The following PCDHGB2 variants were observed in gnomAD, a reference collection of about 807,000 sequenced individuals.
The protein encoded by PCDHGB2 is protocadherin gamma-B2.
In PCDHGB2, 55 loss-of-function variants were observed where a neutral mutation model predicts 59.3. The ratio of observed to expected loss-of-function variants is 0.93; its 90% CI spans 0.75 to 1.16. PCDHGB2 has a LOEUF of 1.16. Ranked by LOEUF, PCDHGB2 falls within the 50% of genes most tolerant of loss-of-function variation. PCDHGB2 has a pLI of 0.00. For missense variants in PCDHGB2, 1,228 were observed against 1,198.5 expected (o/e 1.02, Z -0.36); for synonymous variants, 516 against 512.0 (o/e 1.01, Z -0.11).
At position 141,511,462 on chromosome 5, in the gene PCDHGB2, C is replaced by A. The variant is rs1385398410; in HGVS notation, c.*289C>A. ...AGACACCAAGAACCATTTGCCACAC[C>A]CCGTTTAGTTACAGCTGAACTCCTC... On this transcript the variant is annotated 3_prime_UTR_variant, in exon 4 of 4. Coordinates refer to ENST00000522605, the MANE Select transcript of PCDHGB2 (RefSeq NM_018923.3). The A allele has an allele frequency of 4.7e-5, 26 of 556,350 alleles. No individual in the cohort carries two copies. Among genetic ancestry groups the A allele is most frequent in the Non-Finnish European group, 9.1e-6 (3 of 329,202 alleles). 34.5% of individuals were successfully genotyped at this position (556,350 alleles called of 1,614,324 possible). A position where few individuals can be genotyped will look rare whatever the true frequency, so the allele number is the denominator to read the frequency against.
At chr5:141,407,240 C>T (rs1011878099) in intron 1 of PCDHGB2, among the ~76,000 whole-genome samples, 3 of 152,158 alleles carry the variant, frequency 2.0e-5, no homozygotes, top group African/African-American at 7.2e-5. Context: ...ATAAAGCATA[C>T]TTCAGGCTCA....
intron 1 of PCDHGB2, among the ~76,000 whole-genome samples, chr5:141,463,239 C>G (rs1012919667): frequency 1.3e-5 from 2 of 151,950 alleles, no homozygotes; most frequent in African/African-American, 4.8e-5. Context: ...CTTTGTGTAG[C>G]TCCATTCTCT....
intron 3 of PCDHGB2, among the ~76,000 whole-genome samples, chr5:141,510,034 T>A (rs2099879281): frequency 6.6e-6 from 1 of 152,156 alleles, no homozygotes; most frequent in Non-Finnish European, 1.5e-5. Flanking sequence ...TGGGCTGTTA[T>A]GTAGAGGTTA....
chr5:141,478,461 T>C, intron 1 of PCDHGB2: 1 of 1,613,254 alleles, frequency 6.2e-7, no homozygotes, highest in East Asian at 2.2e-5. Flanking sequence ...GCCAGTCCAC[T>C]GGCCAGCCGC....
intron 1 of PCDHGB2, among the ~76,000 whole-genome samples, chr5:141,437,310 C>T (rs1226274834): frequency 6.6e-6 from 1 of 152,166 alleles, no homozygotes; most frequent in Non-Finnish European, 1.5e-5. Flanking sequence ...TTAAAGCGTT[C>T]AGCTATAATT....
chr5:141,456,942 A>C (rs11737987), intron 1 of PCDHGB2, among the ~76,000 whole-genome samples: 42,405 of 152,066 alleles, frequency 0.28, 6,638 homozygotes, highest in African/African-American at 0.43. Flanking sequence ...CAGCCTGGGC[A>C]ACAGAGCAAA....
chr5:141,489,247 C>T lies in PCDHGB2; in HGVS notation c.2422-5560C>T. 6.5e-7 allele frequency: 1 copy of T among 1,546,012 alleles called. No individual in the cohort carries two copies. The highest frequency in any genetic ancestry group is 8.7e-7 in the Non-Finnish European group (1 of 1,146,298). ...ACAAAGGGACTTCTGGGTCATGGGGCCCAAGACACTCCCACAGCTCGCTGG... is the reference window on the plus strand; with the variant it reads ...ACAAAGGGACTTCTGGGTCATGGGGTCCAAGACACTCCCACAGCTCGCTGG... On this transcript the variant is annotated intron_variant, in intron 1 of 3. Coordinates refer to ENST00000522605, the MANE Select transcript of PCDHGB2 (RefSeq NM_018923.3). This position sits in a 1 kb window ranked among gnomAD's most constrained non-coding sequence, Gnocchi z 4.5.
chr5:141,497,237 T>C (rs933112169), intron 2 of PCDHGB2, among the ~76,000 whole-genome samples: 3 of 152,038 alleles, frequency 2.0e-5, no homozygotes, highest in Non-Finnish European at 4.4e-5. Context: ...AGAAGGCTTC[T>C]AGGAGGAGGT....
At chr5:141,482,530 C>CAAAAAAAAAAAA (rs3074545) in intron 1 of PCDHGB2, among the ~76,000 whole-genome samples, 11 of 76,552 alleles carry the variant, frequency 1.4e-4, no homozygotes, top group African/African-American at 2.9e-4. Flanking sequence ...GACAGACATG[C>CAAAAAAAAAAAA]AAAAAAAAAA....
chr5:141,371,323 AAGAG>A, intron 1 of PCDHGB2: 4 of 1,614,012 alleles, frequency 2.5e-6, no homozygotes, highest in Non-Finnish European at 3.4e-6. Flanking sequence ...CTGGACTTTG[AAGAG>A]AGAGATAGCT....
chr5:141,454,564 G>A (rs896426143), intron 1 of PCDHGB2, among the ~76,000 whole-genome samples: 1 of 151,874 alleles, frequency 6.6e-6, no homozygotes, highest in Non-Finnish European at 1.5e-5. Context: ...GTGCCACCAC[G>A]CCCGGCTAAT....
At chr5:141,378,264 C>T (rs1167989776) in intron 1 of PCDHGB2, 2 of 152,212 alleles carry the variant, frequency 1.3e-5, no homozygotes, top group Non-Finnish European at 1.5e-5. Flanking sequence ...GTGGCTCATG[C>T]CTGTAATCCC....
intron 1 of PCDHGB2, chr5:141,377,877 A>T (rs2150119118): frequency 6.6e-6 from 1 of 152,320 alleles, no homozygotes; most frequent in South Asian, 2.1e-4. Flanking sequence ...TTCTCTTATC[A>T]GAGATAGGAT....
At chr5:141,398,249 T>C (rs1462140853) in intron 1 of PCDHGB2, 2 of 1,470,902 alleles carry the variant, frequency 1.4e-6, no homozygotes, top group Non-Finnish European at 1.8e-6. Context: ...CCCGAGGAAA[T>C]GCCCAAGGGC....
At chr5:141,494,183 G>A (rs971032835) in intron 1 of PCDHGB2, among the ~76,000 whole-genome samples, 2 of 152,146 alleles carry the variant, frequency 1.3e-5, no homozygotes, top group Non-Finnish European at 2.9e-5. Context: ...GAAGTGTCCC[G>A]GGACTTGGAT....
At chr5:141,384,640 T>C (rs1780304566) in intron 1 of PCDHGB2, 1 of 1,613,956 alleles carries the variant, frequency 6.2e-7, no homozygotes, top group Admixed American at 1.7e-5. Context: ...GGCACCCCGC[T>C]CCGCAGAGCC....
rs1477359818 is a variant in PCDHGB2, at chr5:141,397,350, G to A, written c.2421+34794G>A. 3.9e-5 allele frequency among the ~76,000 whole-genome samples: 6 copies of A among 152,268 alleles called. No individual in the cohort carries two copies. In the East Asian group the frequency reaches 9.6e-4, roughly 24 times the overall value. On this transcript the variant is annotated intron_variant, in intron 1 of 3. Coordinates refer to ENST00000522605, the MANE Select transcript of PCDHGB2 (RefSeq NM_018923.3). ...TATTTTTATAAAGAATGTTAATATA[G>A]TCAGGAAGAGGAGATGTTTGGGGAT... is the stretch of plus-strand genomic sequence containing the variant.
At chr5:141,403,811 A>C in intron 1 of PCDHGB2, 1 of 1,613,930 alleles carries the variant, frequency 6.2e-7, no homozygotes, top group Non-Finnish European at 8.5e-7. Flanking sequence ...AATTAATGAA[A>C]AACAATCTCT....
chr5:141,419,426 G>A (rs753089031), intron 1 of PCDHGB2: 19 of 1,613,194 alleles, frequency 1.2e-5, no homozygotes, highest in Non-Finnish European at 1.5e-5. Context: ...CTTCGACCAC[G>A]AGCAGCTGCG....
Sources: gnomAD v4.1 joint callset for allele counts (sites outside exome capture counted in the v4.1 genomes callset) on GRCh38, gnomAD v4.1.1 for gene constraint, Gnocchi (gnomAD v3.1) non-coding constraint, MANE v1.5 for transcripts, NCBI Gene and HGNC (gene_info 2026-07-23, HGNC 2026-07-21) for gene names.